The following KAT6A variants were observed in gnomAD, a reference collection of about 807,000 sequenced individuals.
KAT6A encodes histone acetyltransferase KAT6A.
A neutral mutation model predicts 198.4 loss-of-function variants in KAT6A; 9 were observed. The observed-to-expected ratio is 0.05, with a 90% CI of 0.03 to 0.08. The LOEUF is 0.08. KAT6A is among the 10% of genes least tolerant of loss of function. The pLI is 1.00. For missense variants in KAT6A, 2,077 were observed against 2,509.9 expected, an observed-to-expected ratio of 0.83 and a Z score of 3.69; for synonymous variants, 890 against 883.0, an observed-to-expected ratio of 1.01 and a Z score of -0.14.
intron 8 of KAT6A, among the ~76,000 whole-genome samples, chr8:41,958,815 C>A (rs1488772639): frequency 1.3e-5 from 2 of 152,148 alleles, no homozygotes; most frequent in Non-Finnish European, 2.9e-5. Flanking sequence ...CAGCTCAGAT[C>A]ATGTTTTTGT....
intron 13 of KAT6A, 123 bp from the exon 14 acceptor site, chr8:41,943,123 G>C: frequency 3.9e-6 from 5 of 1,266,360 alleles, no homozygotes; most frequent in Non-Finnish European, 5.4e-6. Context: ...AGCCTGCCTG[G>C]GACGATGGAA....
chr8:41,932,849 G>A lies in KAT6A; in HGVS notation c.5371C>T (p.Leu1791=), dbSNP rs372287629. 3 of 1,614,066 alleles carry A rather than the reference G, an allele frequency of 1.9e-6. No homozygotes were observed. Among genetic ancestry groups the A allele is most frequent in the Non-Finnish European group, 2.5e-6 (3 of 1,180,024 alleles). Reference sequence around the variant, plus strand: ...GGATGAGATGGAGCCAGCTGAGCCAGTCCTGTATTGGACAGAGAAACACTG... The same window carrying A: ...GGATGAGATGGAGCCAGCTGAGCCAATCCTGTATTGGACAGAGAAACACTG... ...ATSVSLSNTG[L]AQLAPSHPLA... is the part of the protein sequence containing the mutation. Residue 1791 remains leucine, a synonymous_variant, in exon 17 of 17, where the codon CTG becomes TTG. Transcript: ENST00000265713.
chr8:42,031,984 C>T (rs1827155283), intron 2 of KAT6A, among the ~76,000 whole-genome samples: 1 of 151,184 alleles, frequency 6.6e-6, no homozygotes, highest in African/African-American at 2.4e-5. Context: ...GGCTAGAATG[C>T]AGTGGCCCGA....
chr8:41,938,063 A>G (rs1821938073), intron 15 of KAT6A, among the ~76,000 whole-genome samples: 2 of 152,218 alleles, frequency 1.3e-5, no homozygotes, highest in African/African-American at 4.8e-5. Flanking sequence ...GTATTTACTC[A>G]GTGTTAGTGA....
chr8:41,986,060 T>A (rs937784987), intron 3 of KAT6A, among the ~76,000 whole-genome samples: 7 of 152,034 alleles, frequency 4.6e-5, no homozygotes, highest in African/African-American at 1.7e-4. Context: ...CCTGCCTCAG[T>A]CTCCTGAGTA....
rs556708529 is a variant in KAT6A, at chr8:42,007,479, G to A, written c.601-19916C>T. ...TATCTAGTTAAAGATAATCATAAATGAATTAGTAAATTATGTAAGACAGTG... is the reference window on the plus strand; with the variant it reads ...TATCTAGTTAAAGATAATCATAAATAAATTAGTAAATTATGTAAGACAGTG... On this transcript the variant is annotated intron_variant, in intron 2 of 16. Coordinates refer to ENST00000265713, the MANE Select transcript of KAT6A (RefSeq NM_006766.5). Among the ~76,000 whole-genome samples, 3 of 152,186 alleles carry A rather than the reference G, an allele frequency of 2.0e-5. No homozygotes were observed. In the South Asian group the frequency reaches 6.2e-4, roughly 32 times the overall value.
chr8:41,962,792 C>T (rs987275982), intron 8 of KAT6A, among the ~76,000 whole-genome samples: 3 of 152,126 alleles, frequency 2.0e-5, no homozygotes, highest in African/African-American at 7.2e-5. Context: ...CTATTTTGAG[C>T]CTTATGTATT....
At chr8:42,047,796 T>C (rs372365933) in intron 2 of KAT6A, among the ~76,000 whole-genome samples, 1 of 152,120 alleles carries the variant, frequency 6.6e-6, no homozygotes, top group African/African-American at 2.4e-5. Flanking sequence ...CTTCATCATA[T>C]GCAAAGCCAT....
intron 2 of KAT6A, among the ~76,000 whole-genome samples, chr8:42,003,190 T>C (rs887998034): frequency 6.6e-6 from 1 of 152,186 alleles, no homozygotes; most frequent in African/African-American, 2.4e-5. Flanking sequence ...ACTGGAACCC[T>C]AGCATTGGCC....
intron 12 of KAT6A, 134 bp downstream of exon 12, chr8:41,946,457 C>T: frequency 2.0e-6 from 1 of 508,326 alleles, no homozygotes; most frequent in South Asian, 3.2e-5. Context: ...TACTAGCAGC[C>T]AACAAAGCAC....
chr8:41,991,027 C>T (rs1340964113), intron 2 of KAT6A, among the ~76,000 whole-genome samples: 1 of 139,342 alleles, frequency 7.2e-6, no homozygotes, highest in African/African-American at 2.6e-5. Flanking sequence ...AAAGGTGGAA[C>T]AACACATGCA....
chr8:41,946,493 T>TACACACACACACAC (rs60247515), intron 12 of KAT6A, 98 bp downstream of exon 12: 12 of 323,618 alleles, frequency 3.7e-5, no homozygotes, highest in African/African-American at 3.6e-4. Context: ...TATATATATA[T>TACACACACACACAC]ACACACACAC....
Position 42,048,969 on chromosome 8 carries a change from T to C in KAT6A, c.9A>G (p.Lys3=). The C allele has an allele frequency of 6.2e-7, 1 of 1,611,990 alleles. No homozygotes were observed. Among genetic ancestry groups the C allele is most frequent in the Non-Finnish European group, 8.5e-7 (1 of 1,179,308 alleles). ...ACTCAGTATAAAGCGGGTTTGCGAG[T>C]TTTACCATGGTGAAGGATTCTGTAT... The part of the protein sequence containing the change: MV[K]LANPLYTEWI... The change falls in exon 2 of 17, where the codon AAA becomes AAG. Residue 3 remains lysine, a synonymous_variant. Coordinates refer to ENST00000265713, the MANE Select transcript of KAT6A (RefSeq NM_006766.5).
chr8:41,937,577 T>C lies in KAT6A; in HGVS notation c.3040-9A>G, dbSNP rs369451043. ...CGGTGGAGAAATGGTTTCTGTTTAATAGAGAAAGCAAGTATTTACAGTTAT... is the reference window on the plus strand; with the variant it reads ...CGGTGGAGAAATGGTTTCTGTTTAACAGAGAAAGCAAGTATTTACAGTTAT... On this transcript the variant is annotated splice_polypyrimidine_tract_variant and intron_variant, in intron 15 of 16. Coordinates refer to ENST00000265713, the MANE Select transcript of KAT6A (RefSeq NM_006766.5). The C allele has an allele frequency of 2.3e-5, 37 of 1,594,022 alleles. No individual in the cohort carries two copies. Among genetic ancestry groups the C allele is most frequent in the Admixed American group, 1.4e-4 (8 of 56,806 alleles).
intron 2 of KAT6A, among the ~76,000 whole-genome samples, chr8:42,029,620 A>C (rs1301251598): frequency 1.6e-4 from 24 of 149,010 alleles, no homozygotes; most frequent in African/African-American, 5.9e-4. Context: ...ACTGGAGTGC[A>C]GTGGCATGAT....
chr8:41,961,998 G>A (rs1823226039), intron 8 of KAT6A, among the ~76,000 whole-genome samples: 2 of 152,104 alleles, frequency 1.3e-5, no homozygotes, highest in South Asian at 4.1e-4. Flanking sequence ...TCAATTTTCA[G>A]TTCTCTTCTT....
intron 2 of KAT6A, among the ~76,000 whole-genome samples, chr8:41,998,874 A>G (rs894511074): frequency 6.6e-6 from 1 of 152,128 alleles, no homozygotes; most frequent in African/African-American, 2.4e-5. Context: ...ATGGCCTGGG[A>G]AAAGACCTAT....
At chr8:42,009,303 CT>C (rs1438890585) in intron 2 of KAT6A, among the ~76,000 whole-genome samples, 2 of 151,816 alleles carry the variant, frequency 1.3e-5, no homozygotes, top group African/African-American at 4.8e-5. Flanking sequence ...AAAGGTAATG[CT>C]ATTAGTTTAT....
chr8:41,954,971 GTTC>G (rs1379485255), intron 9 of KAT6A, among the ~76,000 whole-genome samples: 2 of 151,822 alleles, frequency 1.3e-5, no homozygotes, highest in South Asian at 2.1e-4. Context: ...TTATATATGA[GTTC>G]TTCTCTTTTT....
Sources: allele counts gnomAD v4.1 joint callset (sites outside exome capture counted in the v4.1 genomes callset), GRCh38; gene constraint gnomAD v4.1.1; transcripts MANE v1.5; gene names NCBI Gene and HGNC (gene_info 2026-07-23, HGNC 2026-07-21).